The following EPS15L1 variants were observed in gnomAD, a reference collection of about 807,000 sequenced individuals.
EPS15L1 encodes epidermal growth factor receptor pathway substrate 15 like 1.
In EPS15L1, 43 loss-of-function variants were observed where a neutral mutation model predicts 117.1. The observed-to-expected ratio is 0.37, with a 90% CI of 0.29 to 0.47. EPS15L1 has a LOEUF of 0.47. Among genes scored for constraint, EPS15L1 ranks in the 20% least tolerant of loss-of-function variants. The probability of loss-of-function intolerance (pLI) is 0.99; values close to 1 mark genes in which losing one functional copy is unlikely to be tolerated. For missense variants in EPS15L1, 981 were observed against 1,164.0 expected (o/e 0.84, Z 2.29); for synonymous variants, 459 against 470.5 (o/e 0.98, Z 0.32).
Position 16,355,487 on chromosome 19 carries a change from C to T in EPS15L1, c.*218G>A, listed in dbSNP as rs916420150. 2.0e-5 allele frequency: 11 copies of T among 561,402 alleles called. No individual in the cohort carries two copies. Among genetic ancestry groups the T allele is most frequent in the Non-Finnish European group, 3.1e-5 (10 of 322,482 alleles). The allele number at this position is 561,402 out of a possible 1,614,324, so 34.8% of individuals were successfully genotyped here. A position where few individuals can be genotyped will look rare whatever the true frequency, so the allele number is the denominator to read the frequency against. On this transcript the variant is annotated 3_prime_UTR_variant, in exon 24 of 24. Transcript: ENST00000455140. ...CGGGGGGGATGGCACAGTGGAGAGA[C>T]GGACCTGCAGAAGTGGTGGCCAAGG...
chr19:16,398,025 G>A (rs560572672), intron 16 of EPS15L1, among the ~76,000 whole-genome samples: 5 of 152,276 alleles, frequency 3.3e-5, no homozygotes, highest in Middle Eastern at 3.4e-3. Context: ...AAGCCGGGGC[G>A]TCCACAAAAA....
chr19:16,423,190 C>G (rs1218647415), intron 9 of EPS15L1, among the ~76,000 whole-genome samples: 1 of 152,120 alleles, frequency 6.6e-6, no homozygotes, highest in African/African-American at 2.4e-5. Flanking sequence ...CCATGTGACC[C>G]AGATCAGCTT....
chr19:16,362,078 C>T, intron 22 of EPS15L1, 94 bp from the exon 23 acceptor site: 7 of 1,304,822 alleles, frequency 5.4e-6, no homozygotes, highest in East Asian at 5.0e-5. Flanking sequence ...AAGCCCGGGG[C>T]GCTTCTCTGA....
At chr19:16,373,519 T>C (rs1358211151) in intron 22 of EPS15L1, among the ~76,000 whole-genome samples, 5 of 151,826 alleles carry the variant, frequency 3.3e-5, no homozygotes, top group Admixed American at 1.3e-4. Flanking sequence ...AGCTTCACTA[T>C]CTTCTGTCTT....
At chr19:16,395,077 G>A (rs1442038710) in intron 17 of EPS15L1, among the ~76,000 whole-genome samples, 1 of 151,834 alleles carries the variant, frequency 6.6e-6, no homozygotes, top group Admixed American at 6.6e-5. Context: ...AAAATTAGCC[G>A]GGTGCGGTGA....
rs2093348911 is a variant in EPS15L1, at chr19:16,471,842, C to T, written c.33+71G>A. Reference sequence around the variant, plus strand: ...GCCGCCTGGCTGAGTCTCCCAGCGCCTCAGCCTCGCCGCACCGCTCGCCTC... The same window carrying T: ...GCCGCCTGGCTGAGTCTCCCAGCGCTTCAGCCTCGCCGCACCGCTCGCCTC... On this transcript the variant is annotated intron_variant, in intron 1 of 23. Transcript: ENST00000455140. This position sits in a 1 kb window ranked among gnomAD's most constrained non-coding sequence, Gnocchi z 4.8. 11 of 971,988 alleles carry T rather than the reference C, an allele frequency of 1.1e-5. No individual in the cohort carries two copies. The South Asian group carries it at 3.0e-4, about 27-fold the overall frequency. The allele number at this position is 971,988 out of a possible 1,614,324, so 60.2% of individuals were successfully genotyped here.
At chr19:16,459,851 T>A (rs757448952) in intron 1 of EPS15L1, among the ~76,000 whole-genome samples, 1 of 152,222 alleles carries the variant, frequency 6.6e-6, no homozygotes, top group Non-Finnish European at 1.5e-5. Context: ...ACAGTCCTTA[T>A]AGCCTGCCCT....
At chr19:16,392,915 G>C (rs893228108) in intron 18 of EPS15L1, among the ~76,000 whole-genome samples, 1 of 151,892 alleles carries the variant, frequency 6.6e-6, no homozygotes, top group African/African-American at 2.4e-5. Context: ...GGTGGCACAC[G>C]CCTGTAGTAT....
chr19:16,417,750 GAGGTAGC>G (rs2092772774), intron 11 of EPS15L1, 113 bp from the exon 12 acceptor site: 8 of 1,150,904 alleles, frequency 7.0e-6, no homozygotes, highest in Non-Finnish European at 1.0e-5. Flanking sequence ...TACACAGGGT[GAGGTAGC>G]AAAAGTGTCA....
intron 19 of EPS15L1, 87 bp downstream of exon 19, chr19:16,392,217 C>G: frequency 6.6e-7 from 1 of 1,504,294 alleles, no homozygotes; most frequent in Non-Finnish European, 9.2e-7. Context: ...GTACGCTCCA[C>G]GAAGGGAAGG....
chr19:16,398,189 G>A (rs973654207), intron 16 of EPS15L1, among the ~76,000 whole-genome samples: 3 of 152,222 alleles, frequency 2.0e-5, no homozygotes, highest in Non-Finnish European at 4.4e-5. Context: ...GTGAATGAGT[G>A]TGAATCAGCA....
intron 19 of EPS15L1, among the ~76,000 whole-genome samples, chr19:16,386,560 C>T (rs538838165): frequency 6.6e-6 from 1 of 152,314 alleles, no homozygotes; most frequent in South Asian, 2.1e-4. Flanking sequence ...AGTTTCCATT[C>T]CGCCAGCTAC....
rs2093024497 is a variant in EPS15L1 at position 16,440,844 on chromosome 19, G to A, written c.213+18C>T. 2.1e-5 allele frequency: 34 copies of A among 1,613,594 alleles called. No individual in the cohort carries two copies. Among genetic ancestry groups the A allele is most frequent in the Non-Finnish European group, 2.8e-5 (33 of 1,179,538 alleles). ...TCTGCCCAGCCCCTCCATTTGCTCT[G>A]TGTACATGTGTATATACCTGTTTGT... On this transcript the variant is annotated intron_variant, in intron 4 of 23. Transcript: ENST00000455140.
chr19:16,432,593 CAAATACAAAT>C (rs1251054097), intron 7 of EPS15L1, among the ~76,000 whole-genome samples: 2 of 94,620 alleles, frequency 2.1e-5, no homozygotes, highest in Non-Finnish European at 4.5e-5. Flanking sequence ...TAAATAAATA[CAAATACAAAT>C]ACAAATACAA....
chr19:16,418,146 C>T (rs755620881), intron 10 of EPS15L1, 42 bp from the exon 11 acceptor site: 9 of 1,575,490 alleles, frequency 5.7e-6, no homozygotes, highest in East Asian at 4.5e-5. Context: ...TCACAGGCGC[C>T]GACTCAGCCT....
chr19:16,460,084 G>A (rs2093234226), intron 1 of EPS15L1, among the ~76,000 whole-genome samples: 2 of 152,132 alleles, frequency 1.3e-5, no homozygotes, highest in Non-Finnish European at 2.9e-5. Flanking sequence ...AGACCAGCCT[G>A]GGCAAAACAG....
chr19:16,400,711 T>C (rs1568419012), intron 16 of EPS15L1: 7 of 985,318 alleles, frequency 7.1e-6, no homozygotes, highest in Non-Finnish European at 7.2e-6. Context: ...CCATGTAACG[T>C]ATCTTAATCT....
At chr19:16,419,218 G>C (rs754765693) in intron 10 of EPS15L1, among the ~76,000 whole-genome samples, 2 of 152,202 alleles carry the variant, frequency 1.3e-5, no homozygotes, top group Non-Finnish European at 2.9e-5. Context: ...TCAACACTTT[G>C]GGAGCTGAGG....
At chr19:16,415,042 T>C (rs1391558887) in intron 12 of EPS15L1, among the ~76,000 whole-genome samples, 1 of 152,152 alleles carries the variant, frequency 6.6e-6, no homozygotes, top group Non-Finnish European at 1.5e-5. Flanking sequence ...AATTCGTGCA[T>C]GTATTTCCTA....
Sources: gnomAD v4.1 joint callset for allele counts (sites outside exome capture counted in the v4.1 genomes callset) on GRCh38, gnomAD v4.1.1 for gene constraint, Gnocchi (gnomAD v3.1) non-coding constraint, MANE v1.5 for transcripts, NCBI Gene and HGNC (gene_info 2026-07-23, HGNC 2026-07-21) for gene names.